Variants in PPA2 observed in about 807,000 individuals in gnomAD.
The protein encoded by PPA2 is inorganic pyrophosphatase 2, mitochondrial.
Under a neutral mutation model 49.5 loss-of-function variants are expected in PPA2, and 48 were observed. That is an observed-to-expected ratio of 0.97 (90% CI 0.77 to 1.23). PPA2 has a LOEUF of 1.23. PPA2 is among the 50% of genes most tolerant of loss of function. The probability of loss-of-function intolerance (pLI) is 0.00; values close to 1 mark genes in which losing one functional copy is unlikely to be tolerated. For missense variants in PPA2, 429 were observed against 410.1 expected, an observed-to-expected ratio of 1.05 and a Z score of -0.40; for synonymous variants, 131 against 139.9, an observed-to-expected ratio of 0.94 and a Z score of 0.45.
intron 7 of PPA2, among the ~76,000 whole-genome samples, chr4:105,408,213 G>T (rs1722575040): frequency 6.6e-6 from 1 of 152,130 alleles, no homozygotes; most frequent in Non-Finnish European, 1.5e-5. Context: ...TTCACTGAGA[G>T]ATGATATTTA....
At chr4:105,371,924 C>A (rs1457712093) in intron 10 of PPA2, among the ~76,000 whole-genome samples, 3 of 152,156 alleles carry the variant, frequency 2.0e-5, no homozygotes, top group Non-Finnish European at 4.4e-5. Flanking sequence ...CTCCCTATTC[C>A]AGGCTCCTTT....
At chr4:105,430,016 C>A (rs1057407628) in intron 6 of PPA2, among the ~76,000 whole-genome samples, 3 of 152,300 alleles carry the variant, frequency 2.0e-5, no homozygotes, top group Non-Finnish European at 4.4e-5. Context: ...TATATGCATG[C>A]ATTCTTTGTA....
chr4:105,405,990 T>C (rs1578826293), intron 7 of PPA2: 1 of 300,480 alleles, frequency 3.3e-6, no homozygotes, highest in Admixed American at 4.2e-5. Context: ...TCAATCCTTA[T>C]GTGACCTATG....
chr4:105,432,473 G>A (rs1458555156), intron 6 of PPA2, among the ~76,000 whole-genome samples: 1 of 152,142 alleles, frequency 6.6e-6, no homozygotes, highest in Non-Finnish European at 1.5e-5. Flanking sequence ...TCAAAAATTA[G>A]AATTCTGTCA....
At chr4:105,403,994 C>A (rs995562150) in intron 7 of PPA2, among the ~76,000 whole-genome samples, 2 of 151,466 alleles carry the variant, frequency 1.3e-5, no homozygotes, top group African/African-American at 4.9e-5. Flanking sequence ...ATTACCCACA[C>A]TTCAGAATTA....
intron 7 of PPA2, chr4:105,405,146 C>T: frequency 1.7e-6 from 1 of 589,896 alleles, no homozygotes; most frequent in Non-Finnish European, 2.1e-6. Context: ...TAGAAAAATA[C>T]TAAACAGATT....
rs376437324 is a variant in PPA2, at chr4:105,369,513, G to A, written c.*212C>T. On this transcript the variant is annotated 3_prime_UTR_variant, in exon 12 of 12. Coordinates refer to ENST00000341695, the MANE Select transcript of PPA2 (RefSeq NM_176869.3). ...GCTGAAATTACAGGCATGAGCCACCGTGCCTGGCCAAAATCTTCTTTTTAT... is the reference window on the plus strand; with the variant it reads ...GCTGAAATTACAGGCATGAGCCACCATGCCTGGCCAAAATCTTCTTTTTAT... 639 of 513,362 alleles carry A rather than the reference G, an allele frequency of 1.2e-3. 16 individuals carry two copies. The South Asian group carries it at 0.016, about 13-fold the overall frequency. 31.8% of individuals were successfully genotyped at this position (513,362 alleles called of 1,614,324 possible).
chr4:105,385,670 G>A (rs1252487781), intron 10 of PPA2, among the ~76,000 whole-genome samples: 1 of 151,852 alleles, frequency 6.6e-6, no homozygotes, highest in East Asian at 1.9e-4. Context: ...TTCTAATTTA[G>A]TGATCTCCAA....
rs1301341073 is a variant in PPA2 at position 105,369,588 on chromosome 4, A to G, written c.*137T>C. The G allele has an allele frequency of 1.4e-6, 1 of 705,368 alleles. No homozygotes were observed. Among genetic ancestry groups the G allele is most frequent in the Admixed American group, 2.5e-5 (1 of 39,516 alleles). 43.7% of individuals were successfully genotyped at this position (705,368 alleles called of 1,614,324 possible). A position where few individuals can be genotyped will look rare whatever the true frequency, so the allele number is the denominator to read the frequency against. ...AATTTAAAATTCTTACTGTTTATTT[A>G]TATATTGCATAGCTCAAAAAGTTTG... On this transcript the variant is annotated 3_prime_UTR_variant, in exon 12 of 12. Transcript: ENST00000341695.
intron 5 of PPA2, 70 bp downstream of exon 5, chr4:105,446,313 A>C: frequency 4.1e-5 from 56 of 1,367,550 alleles, no homozygotes; most frequent in Non-Finnish European, 4.7e-5. Context: ...TAAATTCAGT[A>C]GTTCACAGGA....
intron 10 of PPA2, among the ~76,000 whole-genome samples, chr4:105,374,604 C>T (rs1733161772): frequency 6.6e-6 from 1 of 152,126 alleles, no homozygotes; most frequent in South Asian, 2.1e-4. Flanking sequence ...GTCTCTCTCT[C>T]AAATAACTCT....
At chr4:105,464,955 T>G (rs1378840228) in intron 1 of PPA2, among the ~76,000 whole-genome samples, 1 of 152,220 alleles carries the variant, frequency 6.6e-6, no homozygotes. Context: ...ATTTTTGTCT[T>G]CTGCATATTT....
At chr4:105,445,398 T>C (rs1481578353) in intron 5 of PPA2, among the ~76,000 whole-genome samples, 3 of 152,146 alleles carry the variant, frequency 2.0e-5, no homozygotes, top group Non-Finnish European at 4.4e-5. Context: ...TCTTAGCATA[T>C]CACTTTAGAA....
Position 105,443,622 on chromosome 4 carries a change from C to T in PPA2, c.441+2761G>A, listed in dbSNP as rs199819256. On this transcript the variant is annotated intron_variant, in intron 5 of 11. Coordinates refer to ENST00000341695, the MANE Select transcript of PPA2 (RefSeq NM_176869.3). ...ACACACACACACACACACACACACA[C>T]ACACACACACACACAGACTCTCTCT... Among the ~76,000 whole-genome samples the T allele has an allele frequency of 2.6e-5, 3 of 113,846 alleles. No individual in the cohort carries two copies. In the Admixed American group the frequency reaches 3.1e-4, roughly 12 times the overall value. The allele number at this position is 113,846 out of a possible 152,430, so 74.7% of individuals were successfully genotyped here. A position where few individuals can be genotyped will look rare whatever the true frequency, so the allele number is the denominator to read the frequency against.
chr4:105,451,307 T>C (rs188191275), intron 3 of PPA2, among the ~76,000 whole-genome samples: 18 of 152,346 alleles, frequency 1.2e-4, no homozygotes, highest in African/African-American at 4.3e-4. Context: ...TGTAGATAGA[T>C]ATTGAGCCAT....
intron 7 of PPA2, among the ~76,000 whole-genome samples, chr4:105,408,940 T>C (rs891944849): frequency 1.3e-5 from 2 of 152,174 alleles, no homozygotes; most frequent in African/African-American, 4.8e-5. Context: ...ACTTCCAAAA[T>C]GGCCAAATAG....
At chr4:105,408,505 G>A (rs1339251037) in intron 7 of PPA2, among the ~76,000 whole-genome samples, 1 of 152,126 alleles carries the variant, frequency 6.6e-6, no homozygotes, top group East Asian at 1.9e-4. Context: ...TTGATTCAAT[G>A]GAAAAGCAAG....
At chr4:105,428,860 A>G (rs1723656987) in intron 6 of PPA2, among the ~76,000 whole-genome samples, 1 of 152,226 alleles carries the variant, frequency 6.6e-6, no homozygotes, top group Admixed American at 6.5e-5. Flanking sequence ...ATTGAAATGG[A>G]AGAAACCATG....
intron 7 of PPA2, among the ~76,000 whole-genome samples, chr4:105,415,301 C>T (rs1024459029): frequency 3.3e-5 from 5 of 152,204 alleles, no homozygotes; most frequent in African/African-American, 1.2e-4. Context: ...GCTGTTTGTG[C>T]CAAGCGGCAC....
Sources: allele counts gnomAD v4.1 joint callset (sites outside exome capture counted in the v4.1 genomes callset), GRCh38; gene constraint gnomAD v4.1.1; transcripts MANE v1.5; gene names NCBI Gene and HGNC (gene_info 2026-07-23, HGNC 2026-07-21).